PRKN: variants seen among roughly 807,000 people sequenced by gnomAD.
PRKN encodes the protein E3 ubiquitin-protein ligase parkin.
PRKN carries 56 observed loss-of-function variants against 59.5 expected under a neutral mutation model. The ratio of observed to expected loss-of-function variants is 0.94; its 90% confidence interval spans 0.76 to 1.18. The LOEUF (loss-of-function observed/expected upper bound fraction) is 1.18. Among genes scored for constraint, PRKN ranks in the 50% most tolerant of loss-of-function variants. The probability of loss-of-function intolerance (pLI) is 0.00; values close to 1 mark genes in which losing one functional copy is unlikely to be tolerated. For synonymous variants in PRKN, 250 were observed against 222.1 expected (o/e 1.13, Z -1.12); for missense variants, 657 against 596.4 (o/e 1.10, Z -1.06).
chr6:162,076,820 A>T (rs753263216), intron 4 of PRKN, among the ~76,000 whole-genome samples: 10 of 152,166 alleles, frequency 6.6e-5, no homozygotes, highest in African/African-American at 2.2e-4. Flanking sequence ...TCATCAAATG[A>T]AGTGGAAAAG....
intron 6 of PRKN, among the ~76,000 whole-genome samples, chr6:161,817,493 T>C (rs1791837728): frequency 6.6e-6 from 1 of 152,358 alleles, no homozygotes; most frequent in East Asian, 1.9e-4. Flanking sequence ...AGATTTCCTG[T>C]TAAAATGATT....
At chr6:161,723,697 G>GT (rs1330264929) in intron 7 of PRKN, among the ~76,000 whole-genome samples, 3 of 152,132 alleles carry the variant, frequency 2.0e-5, no homozygotes, top group Non-Finnish European at 4.4e-5. Flanking sequence ...TAGTCACCTT[G>GT]GAAACTGAAT....
chr6:162,404,803 C>T (rs1454080275), intron 2 of PRKN, among the ~76,000 whole-genome samples: 2 of 152,270 alleles, frequency 1.3e-5, no homozygotes, highest in Admixed American at 6.5e-5. Context: ...CTGCCCGCCT[C>T]GGCCTCCCAA....
At chr6:161,570,146 A>AT (rs1554277876) in intron 7 of PRKN, among the ~76,000 whole-genome samples, 1,335 of 76,252 alleles carry the variant, frequency 0.018, 24 homozygotes, top group Admixed American at 0.04. Flanking sequence ...AAAAAAAAAA[A>AT]ATATATATAT....
At chr6:161,757,833 A>ATC (rs748787015) in intron 7 of PRKN, among the ~76,000 whole-genome samples, 622 of 37,636 alleles carry the variant, frequency 0.017, 10 homozygotes, top group Non-Finnish European at 0.021. Context: ...GCAAAACTCC[A>ATC]TCTCTCTCTC....
chr6:161,784,639 G>A (rs1045510820), intron 7 of PRKN, among the ~76,000 whole-genome samples: 8 of 152,160 alleles, frequency 5.3e-5, no homozygotes, highest in African/African-American at 1.7e-4. Flanking sequence ...CAAGAATGTG[G>A]AGAGAGAGAA....
chr6:161,814,659 C>T (rs9347542), intron 6 of PRKN, among the ~76,000 whole-genome samples: 78,419 of 151,914 alleles, frequency 0.52, 21,087 homozygotes, highest in African/African-American at 0.68. Flanking sequence ...TGTGCCACCA[C>T]GCCCAGCTAA....
At chr6:162,236,194 T>A (rs1433479183) in intron 3 of PRKN, among the ~76,000 whole-genome samples, 3 of 152,176 alleles carry the variant, frequency 2.0e-5, no homozygotes, top group African/African-American at 4.8e-5. Flanking sequence ...GACATTAATA[T>A]CACTTGTACC....
At chr6:162,607,462 C>G (rs910993168) in intron 1 of PRKN, among the ~76,000 whole-genome samples, 1 of 151,774 alleles carries the variant, frequency 6.6e-6, no homozygotes, top group Non-Finnish European at 1.5e-5. Context: ...AGAAGCACAA[C>G]TTTACCCATT....
Position 161,361,524 on chromosome 6 carries a change from G to T in PRKN, c.1168-1319C>A, listed in dbSNP as rs1262900890. Among the ~76,000 whole-genome samples the T allele has an allele frequency of 6.6e-6, 1 of 152,164 alleles. No homozygotes were observed. Among genetic ancestry groups the T allele is most frequent in the African/African-American group, 2.4e-5 (1 of 41,444 alleles). On this transcript the variant is annotated intron_variant, in intron 10 of 11. Transcript: ENST00000366898. The surrounding 1 kb of genome is among the most constrained non-coding windows in gnomAD (Gnocchi z 5.2). ...TTCAGGGGTTACCAAACTTTCAGGGGTTACCACTAAACTTTCAGGGGTTAC... is the reference window on the plus strand; with the variant it reads ...TTCAGGGGTTACCAAACTTTCAGGGTTTACCACTAAACTTTCAGGGGTTAC...
intron 1 of PRKN, among the ~76,000 whole-genome samples, chr6:162,513,785 G>A (rs1777730980): frequency 6.6e-6 from 1 of 151,838 alleles, no homozygotes; most frequent in Non-Finnish European, 1.5e-5. Flanking sequence ...TGGGCACAGT[G>A]GCTCATGCCT....
chr6:161,743,058 TG>T (rs1379000286), intron 7 of PRKN, among the ~76,000 whole-genome samples: 2 of 152,146 alleles, frequency 1.3e-5, no homozygotes, highest in African/African-American at 4.8e-5. Flanking sequence ...TAATAAAACT[TG>T]TTTTCCCTAA....
chr6:161,570,334 AATAT>A (rs1298677558), intron 7 of PRKN, among the ~76,000 whole-genome samples: 2 of 146,986 alleles, frequency 1.4e-5, no homozygotes, highest in African/African-American at 4.9e-5. Context: ...TATTGGCCTA[AATAT>A]ATATATTTAT....
At position 161,448,805 on chromosome 6, in the gene PRKN, C is replaced by A. The variant is rs988969245; in HGVS notation, c.1084-61928G>T. On this transcript the variant is annotated intron_variant, in intron 9 of 11. Transcript: ENST00000366898. The surrounding 1 kb of genome is among the most constrained non-coding windows in gnomAD (Gnocchi z 5.1). ...TCTACCCTTTCGTTTCTTTGCTGGA[C>A]AATCCTTATAAGCTGGAGTCCAAGT... Among the ~76,000 whole-genome samples, 10 of 152,210 alleles carry A rather than the reference C, an allele frequency of 6.6e-5. No individual in the cohort carries two copies. Among genetic ancestry groups the A allele is most frequent in the Admixed American group, 2.0e-4 (3 of 15,282 alleles).
At chr6:161,831,012 T>C (rs900414202) in intron 6 of PRKN, among the ~76,000 whole-genome samples, 1 of 152,156 alleles carries the variant, frequency 6.6e-6, no homozygotes, top group Admixed American at 6.5e-5. Flanking sequence ...TTCTGGTTCA[T>C]CTCACTGTTA....
In PRKN at chr6:161,405,299, T is replaced by G. The variant is rs1472753071; in HGVS notation, c.1084-18422A>C. Among the ~76,000 whole-genome samples the G allele has an allele frequency of 6.6e-6, 1 of 152,156 alleles. No homozygotes were observed. The highest frequency in any genetic ancestry group is 2.4e-5 in the African/African-American group (1 of 41,438). On this transcript the variant is annotated intron_variant, in intron 9 of 11. Coordinates refer to ENST00000366898, the MANE Select transcript of PRKN (RefSeq NM_004562.3). The surrounding 1 kb of genome is among the most constrained non-coding windows in gnomAD (Gnocchi z 5.1). ...ATTGCTGTTTAAAAGTGGGTCTGACTGGGCATGGTGGCTCATGCCTGTAAT... is the reference window on the plus strand; with the variant it reads ...ATTGCTGTTTAAAAGTGGGTCTGACGGGGCATGGTGGCTCATGCCTGTAAT...
intron 6 of PRKN, among the ~76,000 whole-genome samples, chr6:161,947,996 T>A (rs1779844191): frequency 6.6e-6 from 1 of 152,020 alleles, no homozygotes; most frequent in Admixed American, 6.6e-5. Flanking sequence ...CTTCTTCTTC[T>A]TTTTTTTGAG....
intron 4 of PRKN, among the ~76,000 whole-genome samples, chr6:162,161,756 CA>C (rs1282109299): frequency 6.6e-6 from 1 of 152,166 alleles, no homozygotes; most frequent in Non-Finnish European, 1.5e-5. Flanking sequence ...TCAATCCAAT[CA>C]GGTAGGCATT....
At chr6:161,464,589 TCCTATGCCCACCTAG>T (rs1790364995) in intron 9 of PRKN, among the ~76,000 whole-genome samples, 1 of 152,224 alleles carries the variant, frequency 6.6e-6, no homozygotes, top group East Asian at 1.9e-4. Flanking sequence ...GTCAACACCA[TCCTATGCCCACCTAG>T]CCTAAGGAAA....
Sources: gnomAD v4.1 joint callset for allele counts (sites outside exome capture counted in the v4.1 genomes callset) on GRCh38, gnomAD v4.1.1 for gene constraint, Gnocchi (gnomAD v3.1) non-coding constraint, MANE v1.5 for transcripts, NCBI Gene and HGNC (gene_info 2026-07-23, HGNC 2026-07-21) for gene names.